RARB: variants seen among roughly 807,000 people sequenced by gnomAD.
The protein encoded by RARB is HBV-activated protein.
A neutral mutation model predicts 51.9 loss-of-function variants in RARB; 17 were observed. That is an observed-to-expected ratio of 0.33 (90% CI 0.22 to 0.49). The LOEUF is 0.49. Ranked by LOEUF, RARB falls within the 20% of genes least tolerant of loss-of-function variation. RARB has a pLI of 0.99. For synonymous variants in RARB, 215 were observed against 195.4 expected, an observed-to-expected ratio of 1.10 and a Z score of -0.84; for missense variants, 369 against 550.8, an observed-to-expected ratio of 0.67 and a Z score of 3.30.
At chr3:24,860,145 CAG>C (rs797022086) in intron 2 of RARB, among the ~76,000 whole-genome samples, 160 of 152,238 alleles carry the variant, frequency 1.1e-3, no homozygotes, top group African/African-American at 3.7e-3. Context: ...GGGCCCATGT[CAG>C]AGGGGTTAGT....
chr3:25,188,628 T>C (rs1701029760), intron 5 of RARB, among the ~76,000 whole-genome samples: 1 of 152,172 alleles, frequency 6.6e-6, no homozygotes, highest in Non-Finnish European at 1.5e-5. Context: ...ACTCTACCCA[T>C]GACTAAGTCA....
At chr3:25,481,867 C>T (rs905131339) in intron 2 of RARB, among the ~76,000 whole-genome samples, 3 of 152,190 alleles carry the variant, frequency 2.0e-5, no homozygotes, top group Non-Finnish European at 2.9e-5. Flanking sequence ...TGCTTATGCT[C>T]TGCCAGGTAC....
chr3:25,122,094 C>T (rs992008047), intron 3 of RARB, among the ~76,000 whole-genome samples: 6 of 152,092 alleles, frequency 3.9e-5, no homozygotes, highest in African/African-American at 1.2e-4. Flanking sequence ...CACAGAAACC[C>T]ACAACGCAAA....
intron 2 of RARB, among the ~76,000 whole-genome samples, chr3:24,908,663 G>GTTTTTTTTTTTT (rs59008287): frequency 2.1e-5 from 2 of 93,462 alleles, no homozygotes; most frequent in Admixed American, 1.5e-4. Flanking sequence ...AACCACAACT[G>GTTTTTTTTTTTT]TTTTTTTTTT....
At chr3:24,952,787 A>G (rs1248886420) in intron 2 of RARB, among the ~76,000 whole-genome samples, 1 of 151,740 alleles carries the variant, frequency 6.6e-6, no homozygotes, top group Non-Finnish European at 1.5e-5. Context: ...ATCAAACCCA[A>G]TCCTCAATTT....
At chr3:25,454,545 C>G (rs76385271) in intron 1 of RARB, among the ~76,000 whole-genome samples, 1,753 of 152,244 alleles carry the variant, frequency 0.012, 37 homozygotes, top group African/African-American at 0.041. Context: ...CATTAAAATA[C>G]TGTCTTAATC....
intron 2 of RARB, among the ~76,000 whole-genome samples, chr3:24,943,989 T>C (rs1003011525): frequency 2.6e-5 from 4 of 152,316 alleles, no homozygotes; most frequent in African/African-American, 7.2e-5. Flanking sequence ...AATAATAATA[T>C]TGTGAATAAC....
At position 25,346,525 on chromosome 3, in the gene RARB, TC is replaced by T. The variant is rs146250695; in HGVS notation, c.179-114667del. 7.6e-3 allele frequency among the ~76,000 whole-genome samples: 1,163 copies of T among 152,282 alleles called. 6 individuals are homozygous for T. The highest frequency in any genetic ancestry group is 0.025 in the East Asian group (131 of 5,180). On this transcript the variant is annotated intron_variant, in intron 5 of 11. Coordinates refer to the RARB transcript ENST00000383772. ...CTCTACTCCCTGTTTCCTGTATGTC[TC>T]AGATGAGCTCACCAGTCCCTGGCAA... is the stretch of plus-strand genomic sequence containing the variant.
At chr3:25,594,736 G>A (rs1481080502) in intron 7 of RARB, 58 bp downstream of exon 7, 1 of 1,414,904 alleles carries the variant, frequency 7.1e-7, no homozygotes, top group Non-Finnish European at 9.3e-7. Context: ...GCCTTACCAG[G>A]TTGTGTTGCT....
intron 5 of RARB, among the ~76,000 whole-genome samples, chr3:25,196,103 G>GGT (rs1701227146): frequency 6.6e-6 from 1 of 151,810 alleles, no homozygotes; most frequent in Non-Finnish European, 1.5e-5. Context: ...TATGTTCTAG[G>GGT]GTACCTGTGC....
chr3:25,081,812 C>T (rs541276977), intron 3 of RARB, among the ~76,000 whole-genome samples: 80 of 149,258 alleles, frequency 5.4e-4, no homozygotes, highest in Middle Eastern at 3.4e-3. Context: ...TTTGTACTTT[C>T]AGTAGAGATG....
At chr3:25,545,628 G>T (rs866505809) in intron 3 of RARB, among the ~76,000 whole-genome samples, 3 of 152,104 alleles carry the variant, frequency 2.0e-5, no homozygotes, top group South Asian at 2.1e-4. Flanking sequence ...GGCTGTAAAG[G>T]TCAGACAGAA....
chr3:24,928,872 G>A (rs1695381348), intron 2 of RARB, among the ~76,000 whole-genome samples: 1 of 151,954 alleles, frequency 6.6e-6, no homozygotes, highest in South Asian at 2.1e-4. Context: ...TTTCACATTA[G>A]TAATTCCTAG....
At chr3:25,363,634 A>G (rs1706022323) in intron 5 of RARB, among the ~76,000 whole-genome samples, 1 of 152,146 alleles carries the variant, frequency 6.6e-6, no homozygotes, top group African/African-American at 2.4e-5. Context: ...CCAAGCCACC[A>G]TTGCTTCTCA....
rs770248970 is a variant in RARB, at chr3:25,171,643, T to TAAAAAAAAAAAAAAAAAAAAAA, written c.-279-2458_-279-2457insAAAAAAAAAAAAAAAAAAAAAA. Reference sequence around the variant, plus strand: ...TTTTTCCCAACCAGTCCCTGGTTGGTAAAAAAAAAAAAAAAAAACAGCTTT... The same window carrying TAAAAAAAAAAAAAAAAAAAAAA: ...TTTTTCCCAACCAGTCCCTGGTTGGTAAAAAAAAAAAAAAAAAAAAAAAAAAAAAAAAAAAAAAAACAGCTTT... On this transcript the variant is annotated intron_variant, in intron 4 of 11. Coordinates refer to the RARB transcript ENST00000383772. Among the ~76,000 whole-genome samples the TAAAAAAAAAAAAAAAAAAAAAA allele has an allele frequency of 1.5e-4, 7 of 45,466 alleles. 3 individuals are homozygous for TAAAAAAAAAAAAAAAAAAAAAA. Among genetic ancestry groups the TAAAAAAAAAAAAAAAAAAAAAA allele is most frequent in the Non-Finnish European group, 2.0e-4 (5 of 25,288 alleles). 29.8% of individuals were successfully genotyped at this position (45,466 alleles called of 152,430 possible).
At chr3:25,311,018 G>A (rs1704277060) in intron 5 of RARB, among the ~76,000 whole-genome samples, 1 of 152,214 alleles carries the variant, frequency 6.6e-6, no homozygotes, top group Non-Finnish European at 1.5e-5. Flanking sequence ...AGATGAGACT[G>A]CCACTTAGGT....
At chr3:25,130,775 C>T (rs958185135) in intron 3 of RARB, among the ~76,000 whole-genome samples, 4 of 151,720 alleles carry the variant, frequency 2.6e-5, no homozygotes, top group African/African-American at 9.7e-5. Context: ...CTCCTGCAGC[C>T]TCATCCTTGC....
intron 5 of RARB, among the ~76,000 whole-genome samples, chr3:25,371,349 C>T (rs951997167): frequency 3.3e-5 from 5 of 152,144 alleles, no homozygotes; most frequent in Non-Finnish European, 5.9e-5. Flanking sequence ...ACCATTCAAC[C>T]TACTACAGTG....
chr3:25,149,733 G>T (rs321535), intron 4 of RARB, among the ~76,000 whole-genome samples: 2 of 152,192 alleles, frequency 1.3e-5, no homozygotes, highest in Admixed American at 6.5e-5. Context: ...CTGTCCCTCT[G>T]TCCCACCTCC....
Sources: allele counts gnomAD v4.1 joint callset (sites outside exome capture counted in the v4.1 genomes callset), GRCh38; gene constraint gnomAD v4.1.1; transcripts MANE v1.5; gene names NCBI Gene and HGNC (gene_info 2026-07-23, HGNC 2026-07-21).